NFKB1: variants seen among roughly 807,000 people sequenced by gnomAD.
NFKB1 encodes the protein nuclear factor NF-kappa-B p105 subunit.
A neutral mutation model predicts 105.1 loss-of-function variants in NFKB1; 9 were observed. The observed-to-expected ratio is 0.09, with a 90% CI of 0.05 to 0.15. The LOEUF is 0.15. NFKB1 is among the 10% of genes least tolerant of loss of function. NFKB1 has a pLI of 1.00. For missense variants in NFKB1, 830 were observed against 1,203.7 expected (o/e 0.69, Z 4.59); for synonymous variants, 440 against 442.2 (o/e 1.00, Z 0.06).
At chr4:102,549,571 G>T (rs1018474084) in intron 5 of NFKB1, among the ~76,000 whole-genome samples, 5 of 151,602 alleles carry the variant, frequency 3.3e-5, no homozygotes, top group African/African-American at 1.2e-4. Flanking sequence ...ATATATGGGG[G>T]GAGGGGTGTT....
chr4:102,522,245 G>A (rs1366162617), intron 1 of NFKB1, among the ~76,000 whole-genome samples: 1 of 152,162 alleles, frequency 6.6e-6, no homozygotes, highest in African/African-American at 2.4e-5. Context: ...CTTTCCAAAT[G>A]ATTCTTGGTT....
chr4:102,607,444 T>G, intron 18 of NFKB1, 125 bp downstream of exon 18: 1 of 1,194,342 alleles, frequency 8.4e-7, no homozygotes, highest in South Asian at 1.4e-5. Flanking sequence ...TTAACATTTA[T>G]GGAGGGCTTC....
chr4:102,513,203 C>T (rs748562716), intron 1 of NFKB1, among the ~76,000 whole-genome samples: 41 of 152,174 alleles, frequency 2.7e-4, no homozygotes, highest in Admixed American at 1.4e-3. Context: ...GAATGAAAGA[C>T]CTCACACCAT....
At chr4:102,608,962 G>A (rs935970564) in intron 19 of NFKB1, among the ~76,000 whole-genome samples, 4 of 151,834 alleles carry the variant, frequency 2.6e-5, no homozygotes, top group Non-Finnish European at 4.4e-5. Flanking sequence ...GACCAACCAG[G>A]TTAACATTGT....
chr4:102,602,538 CAAAA>C (rs767444879), intron 16 of NFKB1, among the ~76,000 whole-genome samples: 2 of 78,108 alleles, frequency 2.6e-5, no homozygotes, highest in East Asian at 3.6e-4. Flanking sequence ...CGCTCTGTCT[CAAAA>C]AAAAAAAAAA....
chr4:102,560,614 T>C (rs1433738364), intron 5 of NFKB1, among the ~76,000 whole-genome samples: 1 of 152,154 alleles, frequency 6.6e-6, no homozygotes, highest in African/African-American at 2.4e-5. Context: ...CAAAGAGGAT[T>C]TTTTTCATGC....
chr4:102,578,020 AT>A, intron 7 of NFKB1: 3 of 983,610 alleles, frequency 3.0e-6, no homozygotes, highest in Non-Finnish European at 2.4e-6. Flanking sequence ...CTCAGGCTGC[AT>A]TTCCAATCTA....
Position 102,607,649 on chromosome 4 carries a change from G to A in NFKB1, c.2125G>A (p.Gly709Ser). Residue 709 changes from glycine (G) to serine (S), a missense_variant and splice_region_variant, in exon 19 of 24, where the codon GGT becomes AGT. Around this residue, in one of 8 missense-constraint regions of NFKB1, gnomAD observed 418 missense variants for 575.3 expected, o/e 0.73. Coordinates refer to ENST00000226574, the MANE Select transcript of NFKB1 (RefSeq NM_003998.4). ...CTTTCTTGTGTGGGCTGGATTGTAGGGTGATGCCCATGTGGACAGTACTAC... is the reference window on the plus strand; with the variant it reads ...CTTTCTTGTGTGGGCTGGATTGTAGAGTGATGCCCATGTGGACAGTACTAC... ...ISLAGCLLLE[G>S]DAHVDSTTYD... is the part of the protein sequence containing the mutation. 5.6e-6 allele frequency: 9 copies of A among 1,613,936 alleles called. No individual in the cohort carries two copies. Among genetic ancestry groups the A allele is most frequent in the Non-Finnish European group, 6.8e-6 (8 of 1,179,898 alleles).
At chr4:102,578,684 A>G (rs1314698801) in intron 7 of NFKB1, 197 bp from the exon 8 acceptor site, 2 of 523,896 alleles carry the variant, frequency 3.8e-6, no homozygotes, top group Non-Finnish European at 6.6e-6. Context: ...GAGAAAATGC[A>G]GGTCTTCTTT....
At chr4:102,515,116 T>A (rs1050833906) in intron 1 of NFKB1, among the ~76,000 whole-genome samples, 6 of 132,538 alleles carry the variant, frequency 4.5e-5, no homozygotes, top group African/African-American at 1.1e-4. Flanking sequence ...TATTTTTTTT[T>A]TTTTTTTTTT....
intron 1 of NFKB1, among the ~76,000 whole-genome samples, chr4:102,504,671 C>T (rs1376304680): frequency 6.6e-6 from 1 of 152,154 alleles, no homozygotes; most frequent in African/African-American, 2.4e-5. Context: ...TTCTCATTTG[C>T]ACTCTTGCAC....
chr4:102,526,292 T>C (rs113524769), intron 2 of NFKB1, among the ~76,000 whole-genome samples: 2,354 of 152,172 alleles, frequency 0.015, 49 homozygotes, highest in African/African-American at 0.054. Context: ...ATTTAATGTG[T>C]ACACATGGAT....
In NFKB1 at chr4:102,596,080, G is replaced by A. The variant is rs559988759; in HGVS notation, c.1301-58G>A. 1.6e-5 allele frequency: 20 copies of A among 1,227,090 alleles called. No individual in the cohort carries two copies. The East Asian group carries it at 2.6e-4, about 16-fold the overall frequency. The allele number at this position is 1,227,090 out of a possible 1,614,324, so 76.0% of individuals were successfully genotyped here. A position where few individuals can be genotyped will look rare whatever the true frequency, so the allele number is the denominator to read the frequency against. ...TTTATCTGACCTACATTGGAATAGCGAATTATCACTAAATACATTTTACTG... is the reference window on the plus strand; with the variant it reads ...TTTATCTGACCTACATTGGAATAGCAAATTATCACTAAATACATTTTACTG... On this transcript the variant is annotated intron_variant, in intron 13 of 23. Transcript: ENST00000226574.
In NFKB1 at chr4:102,606,663, G is replaced by T. The variant is rs752251669; in HGVS notation, c.1920G>T (p.Lys640Asn). ...KVLSILLKHK[K>N]AALLLDHPNG... ...TCAGTATCTTACTCAAGCACAAAAAGGCAGCACTACTTCTTGACCACCCCA... is the reference window on the plus strand; with the variant it reads ...TCAGTATCTTACTCAAGCACAAAAATGCAGCACTACTTCTTGACCACCCCA... The change falls in exon 17 of 24, where the codon AAG becomes AAT. Residue 640 changes from lysine (K) to asparagine (N), a missense_variant. Transcript: ENST00000226574. 2.5e-6 allele frequency: 4 copies of T among 1,614,144 alleles called. No homozygotes were observed. Among genetic ancestry groups the T allele is most frequent in the Non-Finnish European group, 3.4e-6 (4 of 1,180,016 alleles).
intron 2 of NFKB1, among the ~76,000 whole-genome samples, chr4:102,526,814 T>A (rs1417299790): frequency 2.0e-5 from 3 of 152,166 alleles, no homozygotes; most frequent in Admixed American, 2.0e-4. Flanking sequence ...TCTCCTATAT[T>A]TTATTTTGAA....
At chr4:102,597,110 T>TC (rs1300282253) in intron 14 of NFKB1, among the ~76,000 whole-genome samples, 1 of 152,212 alleles carries the variant, frequency 6.6e-6, no homozygotes, top group Non-Finnish European at 1.5e-5. Flanking sequence ...GTGTGTTTTT[T>TC]CACACATTGC....
chr4:102,580,724 G>A, intron 9 of NFKB1, 85 bp downstream of exon 9: 1 of 1,075,476 alleles, frequency 9.3e-7, no homozygotes, highest in African/African-American at 1.6e-5. Context: ...TCACATTTCA[G>A]CAGTGGACAA....
intron 5 of NFKB1, among the ~76,000 whole-genome samples, chr4:102,544,646 T>C (rs1469288455): frequency 6.6e-6 from 1 of 152,198 alleles, no homozygotes. Flanking sequence ...TCAGAAGTTT[T>C]GTATTTTGTC....
intron 7 of NFKB1, chr4:102,578,630 G>A (rs1725059821): frequency 3.9e-6 from 2 of 510,714 alleles, no homozygotes; most frequent in Non-Finnish European, 6.9e-6. Context: ...CAGGAGAGGA[G>A]GGAGGCGATC....
Sources: gnomAD v4.1 joint callset for allele counts (sites outside exome capture counted in the v4.1 genomes callset) on GRCh38, gnomAD v4.1.1 for gene constraint, gnomAD v4.1.1 regional missense constraint, MANE v1.5 for transcripts, NCBI Gene and HGNC (gene_info 2026-07-23, HGNC 2026-07-21) for gene names.